Variants in NOTCH2 observed in about 807,000 individuals in gnomAD.
NOTCH2 encodes neurogenic locus notch homolog protein 2.
Under a neutral mutation model 235.8 loss-of-function variants are expected in NOTCH2, and 29 were observed. That is an observed-to-expected ratio of 0.12 (90% CI 0.09 to 0.17). The LOEUF (loss-of-function observed/expected upper bound fraction) is 0.17, where lower values mean the gene tolerates loss of function less well. Among genes scored for constraint, NOTCH2 ranks in the 10% least tolerant of loss-of-function variants. The pLI, the probability that NOTCH2 is intolerant of heterozygous loss-of-function variation, is 1.00. For missense variants in NOTCH2, 2,285 were observed against 3,150.2 expected (o/e 0.73, Z 6.57); for synonymous variants, 1,086 against 1,141.5 (o/e 0.95, Z 0.98).
chr1:119,972,885 G>A (rs587714206), intron 5 of NOTCH2, among the ~76,000 whole-genome samples: 1 of 152,260 alleles, frequency 6.6e-6, no homozygotes, highest in East Asian at 1.9e-4. Flanking sequence ...GGCTTCCCAA[G>A]GGCACACAGA....
At chr1:120,004,841 T>C (rs1332571676) in intron 3 of NOTCH2, among the ~76,000 whole-genome samples, 4 of 152,202 alleles carry the variant, frequency 2.6e-5, no homozygotes, top group Non-Finnish European at 5.9e-5. Flanking sequence ...GGTGCGATCA[T>C]AGCTCACTGC....
chr1:119,916,322 ACTT>A lies in NOTCH2; in HGVS notation c.6397_6399del (p.Lys2133del), dbSNP rs1051919344. On this transcript the variant is annotated inframe_deletion, in exon 34 of 34. Coordinates refer to ENST00000256646, the MANE Select transcript of NOTCH2 (RefSeq NM_024408.4). ...GACAGTTGGACCTTCTCACTCAGAG[ACTT>A]CTTCCTCCTACTACCCTTGGCATCC... 6.2e-7 allele frequency: 1 copy of A among 1,614,014 alleles called. No individual in the cohort carries two copies. Among genetic ancestry groups the A allele is most frequent in the African/African-American group, 1.3e-5 (1 of 74,906 alleles).
chr1:119,943,762 G>A (rs1024477378), intron 17 of NOTCH2, among the ~76,000 whole-genome samples: 1 of 151,978 alleles, frequency 6.6e-6, no homozygotes, highest in African/African-American at 2.4e-5. Flanking sequence ...TCATATGGTA[G>A]AAAAGTAGGT....
At chr1:119,937,671 C>T (rs1417482208) in intron 20 of NOTCH2, among the ~76,000 whole-genome samples, 186 bp downstream of exon 20, 2 of 152,250 alleles carry the variant, frequency 1.3e-5, no homozygotes, top group African/African-American at 4.8e-5. Context: ...ATACATTCTT[C>T]TCCGAATCTC....
intron 6 of NOTCH2, among the ~76,000 whole-genome samples, chr1:119,968,904 G>A (rs1342488345): frequency 1.3e-5 from 2 of 152,202 alleles, no homozygotes; most frequent in Non-Finnish European, 2.9e-5. Context: ...AGGCCTCCAT[G>A]AAAGAACATT....
rs2101151541 is a variant in NOTCH2, at chr1:119,920,329, G to C, written c.5379C>G (p.His1793Gln). 1 of 1,614,150 alleles carries C rather than the reference G, an allele frequency of 6.2e-7. No individual in the cohort carries two copies. Among genetic ancestry groups the C allele is most frequent in the South Asian group, 1.1e-5 (1 of 91,076 alleles). Residue 1793 changes from histidine to glutamine, a missense_variant, in exon 30 of 34, where the codon CAC (histidine) becomes CAG (glutamine). Transcript: ENST00000256646. The part of the protein sequence containing the change: ...PIDRRPWTQQ[H>Q]LEAADIRRTP... Reference sequence around the variant, plus strand: ...TCCTACGGATGTCTGCAGCTTCAAGGTGCTGCTGTGTCCATGGCCGTCGAT... The same window carrying C: ...TCCTACGGATGTCTGCAGCTTCAAGCTGCTGCTGTGTCCATGGCCGTCGAT...
At chr1:119,959,325 C>T (rs1650848089) in intron 12 of NOTCH2, 67 bp downstream of exon 12, 2 of 870,624 alleles carry the variant, frequency 2.3e-6, no homozygotes, top group South Asian at 1.3e-5. Flanking sequence ...AAGCAATATT[C>T]CTTTGGATGC....
In NOTCH2 at chr1:119,935,324, G is replaced by A. The variant is rs1261321259; in HGVS notation, c.3655+148C>T. On this transcript the variant is annotated intron_variant, in intron 22 of 33. Coordinates refer to ENST00000256646, the MANE Select transcript of NOTCH2 (RefSeq NM_024408.4). Reference sequence around the variant, plus strand: ...CTAGCAAGAGATGGGAGAATAAAATGGCTTGAATTACTAGGATGTAGAACT... The same window carrying A: ...CTAGCAAGAGATGGGAGAATAAAATAGCTTGAATTACTAGGATGTAGAACT... 52 of 1,587,420 alleles carry A rather than the reference G, an allele frequency of 3.3e-5. No homozygotes were observed. In the African/African-American group the frequency reaches 6.0e-4, roughly 18 times the overall value.
At chr1:119,987,784 TACTA>T (rs1179879669) in intron 4 of NOTCH2, among the ~76,000 whole-genome samples, 11 of 152,200 alleles carry the variant, frequency 7.2e-5, no homozygotes, top group South Asian at 2.1e-4. Context: ...GTGGCATTAT[TACTA>T]ACTAAGCTTA....
At chr1:119,932,659 G>A (rs943339363) in intron 22 of NOTCH2, among the ~76,000 whole-genome samples, 1 of 150,826 alleles carries the variant, frequency 6.6e-6, no homozygotes, top group African/African-American at 2.4e-5. Flanking sequence ...ATCTCAGAGA[G>A]AGAGAGAGGA....
chr1:119,916,426 A>G lies in NOTCH2; in HGVS notation c.6296T>C (p.Met2099Thr). The change falls in exon 34 of 34, where the codon ATG becomes ACG. Residue 2099 changes from methionine to threonine, a missense_variant. Physicochemically the swap from Met to Thr is moderately conservative, Grantham distance 81. Coordinates refer to ENST00000256646, the MANE Select transcript of NOTCH2 (RefSeq NM_024408.4). ...ACTGGGCCGTCTAGACTTCTTGCCC[A>G]TTGGGGTGTGCTTCAGGCTGAGGAA... ...RSFLSLKHTPMGKKSRRPSAK... is the reference protein window; with the variant it reads ...RSFLSLKHTPTGKKSRRPSAK... 1.2e-6 allele frequency: 2 copies of G among 1,614,076 alleles called. No homozygotes were observed. The highest frequency in any genetic ancestry group is 1.1e-5 in the South Asian group (1 of 91,090).
At chr1:119,960,703 C>G (rs1234234828) in intron 11 of NOTCH2, among the ~76,000 whole-genome samples, 1 of 151,854 alleles carries the variant, frequency 6.6e-6, no homozygotes, top group Non-Finnish European at 1.5e-5. Context: ...AGATAGGGTC[C>G]TGATCTGTCA....
At chr1:119,921,386 A>C (rs1162373822) in intron 29 of NOTCH2, among the ~76,000 whole-genome samples, 1 of 152,230 alleles carries the variant, frequency 6.6e-6, no homozygotes, top group Admixed American at 6.5e-5. Context: ...GTGCCCATAA[A>C]GGATAAGGAA....
chr1:119,969,505 A>G lies in NOTCH2; in HGVS notation c.1108+6T>C. 5 of 1,612,818 alleles carry G rather than the reference A, an allele frequency of 3.1e-6. No homozygotes were observed. In the African/African-American group the frequency reaches 6.7e-5, roughly 22 times the overall value. ...CTGTTTCTAGATCCGTCCTTCTGCT[A>G]CCTACCTGCCTTCCCCTCTGGGCAC... On this transcript the variant is annotated splice_donor_region_variant and intron_variant, in intron 6 of 33. Transcript: ENST00000256646.
intron 22 of NOTCH2, among the ~76,000 whole-genome samples, chr1:119,931,886 T>TA (rs1394976388): frequency 6.7e-6 from 1 of 150,248 alleles, no homozygotes; most frequent in Admixed American, 6.6e-5. Context: ...AGAAAAAAGA[T>TA]AAAAAAATAC....
At chr1:119,999,745 T>C (rs1690035) in intron 3 of NOTCH2, among the ~76,000 whole-genome samples, 2 of 151,982 alleles carry the variant, frequency 1.3e-5, no homozygotes, top group African/African-American at 2.4e-5. Context: ...AGCCGGGCTT[T>C]ATGGCGCATG....
At chr1:119,949,649 G>A (rs1553197505) in intron 15 of NOTCH2, among the ~76,000 whole-genome samples, 3 of 152,110 alleles carry the variant, frequency 2.0e-5, no homozygotes, top group South Asian at 2.1e-4. Flanking sequence ...GCCTCCCAAA[G>A]TGCTGGGATT....
intron 5 of NOTCH2, among the ~76,000 whole-genome samples, chr1:119,980,066 T>A (rs1651755009): frequency 1.3e-5 from 2 of 152,312 alleles, no homozygotes; most frequent in South Asian, 4.1e-4. Context: ...TCTCGCATGA[T>A]ATCAACATCT....
At chr1:119,967,977 G>A (rs1651209791) in intron 7 of NOTCH2, 100 bp downstream of exon 7, 1 of 1,314,132 alleles carries the variant, frequency 7.6e-7, no homozygotes, top group African/African-American at 1.4e-5. Flanking sequence ...CTGAGGTTTG[G>A]GTGTATGTAA....
Sources: gnomAD v4.1 joint callset for allele counts (sites outside exome capture counted in the v4.1 genomes callset) on GRCh38, gnomAD v4.1.1 for gene constraint, MANE v1.5 for transcripts, NCBI Gene and HGNC (gene_info 2026-07-23, HGNC 2026-07-21) for gene names.